KRAS: variants seen among roughly 807,000 people sequenced by gnomAD.
KRAS encodes the protein KRas proto-oncogene, GTPase, also known as GTPase KRas.
Under a neutral mutation model 21.0 loss-of-function variants are expected in KRAS, and 1 was observed. The ratio of observed to expected loss-of-function variants is 0.05; its 90% CI spans 0.02 to 0.23. The LOEUF (loss-of-function observed/expected upper bound fraction) is 0.23. KRAS is among the 10% of genes least tolerant of loss of function. The pLI is 1.00. For synonymous variants in KRAS, 67 were observed against 72.5 expected, an observed-to-expected ratio of 0.92 and a Z score of 0.39; for missense variants, 107 against 221.8, an observed-to-expected ratio of 0.48 and a Z score of 3.29.
At chr12:25,242,378 C>T (rs1315320469) in intron 2 of KRAS, among the ~76,000 whole-genome samples, 2 of 151,992 alleles carry the variant, frequency 1.3e-5, no homozygotes, top group Admixed American at 6.6e-5. Flanking sequence ...TCCTCTTCCA[C>T]CAAATTTTAC....
At chr12:25,232,705 T>C (rs189076810) in intron 2 of KRAS, among the ~76,000 whole-genome samples, 241 of 152,278 alleles carry the variant, frequency 1.6e-3, no homozygotes, top group African/African-American at 5.5e-3. Context: ...CAATAAAATA[T>C]TAAATGAAGG....
chr12:25,248,157 G>A (rs574378623), intron 1 of KRAS, among the ~76,000 whole-genome samples: 12 of 151,988 alleles, frequency 7.9e-5, no homozygotes, highest in African/African-American at 2.4e-4. Flanking sequence ...CAATGTGCCC[G>A]GCCCCTTCGA....
rs1345603790 is a variant in KRAS at position 25,205,275 on chromosome 12, A to ATAAT, written c.*4516_*4519dup. 3 of 215,050 alleles carry ATAAT rather than the reference A, an allele frequency of 1.4e-5. No homozygotes were observed. The Admixed American group carries it at 1.7e-4, about 13-fold the overall frequency. 13.3% of individuals were successfully genotyped at this position (215,050 alleles called of 1,614,324 possible). A position where few individuals can be genotyped will look rare whatever the true frequency, so the allele number is the denominator to read the frequency against. ...CTGTAACTATTTTTATTACATTACA[A>ATAAT]TAATTAGGAGTAGTACAGTTCATGA... On this transcript the variant is annotated 3_prime_UTR_variant, in exon 5 of 5. Transcript: ENST00000311936.
chr12:25,219,690 C>A (rs1035496802), intron 4 of KRAS, among the ~76,000 whole-genome samples: 18 of 152,312 alleles, frequency 1.2e-4, no homozygotes, highest in African/African-American at 4.3e-4. Context: ...AGAAACCTTG[C>A]CACCCACAGC....
chr12:25,226,175 T>C (rs2141507370), intron 3 of KRAS, among the ~76,000 whole-genome samples: 1 of 152,310 alleles, frequency 6.6e-6, no homozygotes, highest in African/African-American at 2.4e-5. Context: ...AACATAATTT[T>C]CATATTACTT....
chr12:25,230,552 C>T (rs1325041467), intron 2 of KRAS, among the ~76,000 whole-genome samples: 4 of 152,044 alleles, frequency 2.6e-5, no homozygotes, highest in Non-Finnish European at 5.9e-5. Context: ...CACTTGAACC[C>T]GGGAGGTGGA....
rs1266835171 is a variant in KRAS at position 25,205,862 on chromosome 12, A to G, written c.*3933T>C. ...AACTCATGTGAGTATCTTTCTTTAG[A>G]AAGAAAGTTTCATTTTATGACAGCT... On this transcript the variant is annotated 3_prime_UTR_variant, in exon 5 of 5. Coordinates refer to ENST00000311936, the MANE Select transcript of KRAS (RefSeq NM_004985.5). 2.3e-5 allele frequency: 5 copies of G among 216,370 alleles called. No individual in the cohort carries two copies. The highest frequency in any genetic ancestry group is 1.1e-4 in the African/African-American group (5 of 44,572). The allele number at this position is 216,370 out of a possible 1,614,324, so 13.4% of individuals were successfully genotyped here.
intron 1 of KRAS, among the ~76,000 whole-genome samples, chr12:25,247,203 T>C (rs1256842800): frequency 6.6e-6 from 1 of 152,226 alleles, no homozygotes; most frequent in Admixed American, 6.5e-5. Context: ...TATTATAGGA[T>C]GAGTAGCTCC....
rs1951409079 is a variant in KRAS, at chr12:25,227,525, G to T, written c.112-113C>A. The T allele has an allele frequency of 4.5e-6, 4 of 896,004 alleles. No homozygotes were observed. The South Asian group carries it at 5.9e-5, about 13-fold the overall frequency. The allele number at this position is 896,004 out of a possible 1,614,324, so 55.5% of individuals were successfully genotyped here. A position where few individuals can be genotyped will look rare whatever the true frequency, so the allele number is the denominator to read the frequency against. The stretch of plus-strand genomic sequence containing the variant: ...CAATTTAAAAATGGGCAAAGGACTT[G>T]AAAAGACATTGTTCCTGCTCCAAAG... On this transcript the variant is annotated intron_variant, in intron 2 of 4. Transcript: ENST00000311936.
At chr12:25,228,217 T>C (rs1222643301) in intron 2 of KRAS, among the ~76,000 whole-genome samples, 3 of 146,230 alleles carry the variant, frequency 2.1e-5, no homozygotes, top group Non-Finnish European at 4.5e-5. Context: ...GATAGGGTCT[T>C]GTGTTGCTCA....
At position 25,205,371 on chromosome 12, in the gene KRAS, TAA is replaced by T. The variant is rs2141475793; in HGVS notation, c.*4422_*4423del. On this transcript the variant is annotated 3_prime_UTR_variant, in exon 5 of 5. Transcript: ENST00000311936. ...TAAACATTTAAAAGTTAATTTCAAT[TAA>T]AAGAGTGGTCATTTTTAATGTTTGA... 4.6e-6 allele frequency: 1 copy of T among 215,122 alleles called. No homozygotes were observed. The highest frequency in any genetic ancestry group is 1.9e-4 in the South Asian group (1 of 5,380). The allele number at this position is 215,122 out of a possible 1,614,324, so 13.3% of individuals were successfully genotyped here.
chr12:25,242,968 A>C (rs1470886199), intron 2 of KRAS, among the ~76,000 whole-genome samples: 1 of 152,184 alleles, frequency 6.6e-6, no homozygotes, highest in Non-Finnish European at 1.5e-5. Flanking sequence ...ATCACCAAAA[A>C]ATACAGTATT....
chr12:25,250,159 C>A (rs950924271), intron 1 of KRAS, among the ~76,000 whole-genome samples: 1 of 152,176 alleles, frequency 6.6e-6, no homozygotes, highest in Non-Finnish European at 1.5e-5. Flanking sequence ...TTCCTATGCT[C>A]TTCCAAAACG....
At chr12:25,245,439 C>T in intron 1 of KRAS, 44 bp from the exon 2 acceptor site, 1 of 1,541,846 alleles carries the variant, frequency 6.5e-7, no homozygotes, top group South Asian at 1.2e-5. Flanking sequence ...TAGAACATGT[C>T]ACACATAAGG....
intron 1 of KRAS, among the ~76,000 whole-genome samples, chr12:25,249,713 A>G (rs1055226539): frequency 3.3e-4 from 50 of 152,148 alleles, no homozygotes; most frequent in Admixed American, 3.0e-3. Flanking sequence ...GAGTACTGTA[A>G]TAACTCTTGA....
At chr12:25,249,449 G>T (rs1337710030) in intron 1 of KRAS, among the ~76,000 whole-genome samples, 1 of 150,696 alleles carries the variant, frequency 6.6e-6, no homozygotes, top group Non-Finnish European at 1.5e-5. Context: ...AAATTAGCTG[G>T]GCATGGTGGC....
intron 2 of KRAS, among the ~76,000 whole-genome samples, chr12:25,238,186 T>C (rs1042012815): frequency 6.6e-6 from 1 of 152,240 alleles, no homozygotes; most frequent in Non-Finnish European, 1.5e-5. Flanking sequence ...GAATTAAGTG[T>C]GTACTACTCC....
At chr12:25,228,682 CAGAT>C (rs1951425275) in intron 2 of KRAS, among the ~76,000 whole-genome samples, 1 of 152,100 alleles carries the variant, frequency 6.6e-6, no homozygotes, top group Non-Finnish European at 1.5e-5. Context: ...GTTCTCAAAA[CAGAT>C]AGTGCTAATG....
Position 25,227,267 on chromosome 12 carries a change from T to C in KRAS, c.257A>G (p.Asn86Ser), listed in dbSNP as rs2141509482. The change falls in exon 3 of 5, where the codon AAT (asparagine) becomes AGT (serine). Residue 86 changes from asparagine (N) to serine (S), a missense_variant. This residue lies in a region of KRAS where 42 missense variants were observed against 139.4 expected (regional missense o/e 0.30). Coordinates refer to ENST00000311936, the MANE Select transcript of KRAS (RefSeq NM_004985.5). ...GTGAATATCTTCAAATGATTTAGTATTATTTATGGCAAATACACAAAGAAA... is the reference window on the plus strand; with the variant it reads ...GTGAATATCTTCAAATGATTTAGTACTATTTATGGCAAATACACAAAGAAA... Reference protein sequence around the residue: ...EGFLCVFAINNTKSFEDIHHY... With the variant: ...EGFLCVFAINSTKSFEDIHHY... 6.2e-7 allele frequency: 1 copy of C among 1,613,716 alleles called. No homozygotes were observed. The highest frequency in any genetic ancestry group is 8.5e-7 in the Non-Finnish European group (1 of 1,179,626).
Sources: gnomAD v4.1 joint callset for allele counts (sites outside exome capture counted in the v4.1 genomes callset) on GRCh38, gnomAD v4.1.1 for gene constraint, gnomAD v4.1.1 regional missense constraint, MANE v1.5 for transcripts, NCBI Gene and HGNC (gene_info 2026-07-23, HGNC 2026-07-21) for gene names.